HDAC11: variants seen among roughly 807,000 people sequenced by gnomAD.
HDAC11 encodes histone deacetylase 11.
In HDAC11, 23 loss-of-function variants were observed where a neutral mutation model predicts 41.1. The ratio of observed to expected loss-of-function variants is 0.56; its 90% CI spans 0.40 to 0.79. The LOEUF is 0.79. Among genes scored for constraint, HDAC11 ranks in the 30% least tolerant of loss-of-function variants. The pLI is 0.00. For missense variants in HDAC11, 402 were observed against 477.3 expected (o/e 0.84, Z 1.47); for synonymous variants, 187 against 186.6 (o/e 1.00, Z -0.02).
At chr3:13,486,920 G>A (rs1029492491) in intron 3 of HDAC11, among the ~76,000 whole-genome samples, 5 of 152,250 alleles carry the variant, frequency 3.3e-5, no homozygotes, top group Admixed American at 6.5e-5. Flanking sequence ...AGAATCCCAG[G>A]CCTGGAGGGT....
chr3:13,491,790 G>T (rs879441555), intron 3 of HDAC11, among the ~76,000 whole-genome samples: 1 of 152,254 alleles, frequency 6.6e-6, no homozygotes, highest in Non-Finnish European at 1.5e-5. Context: ...GGGTGGTGGC[G>T]TCAGTCTGGG....
rs555819990 is a variant in HDAC11 at position 13,490,528 on chromosome 3, T to A, written c.253-6208T>A. 4.6e-5 allele frequency among the ~76,000 whole-genome samples: 7 copies of A among 152,290 alleles called. No homozygotes were observed. The East Asian group carries it at 1.3e-3, about 29-fold the overall frequency. ...TTTAATTTCTTTCAGCAATGTTTTG[T>A]AGCTTTCAATGGACAAATCTTGCAC... On this transcript the variant is annotated intron_variant, in intron 3 of 9. Transcript: ENST00000295757.
At position 13,504,248 on chromosome 3, in the gene HDAC11, T is replaced by C. The variant is rs1702507502; in HGVS notation, c.804T>C (p.Leu268=). ...AGTDILEGDR[L]GGLSISPAGI... ...CCGACATCCTCGAGGGGGACCGCCT[T>C]GGGGGGCTGTCCATCAGCCCAGCGG... The change falls in exon 9 of 10, where the codon CTT becomes CTC. Residue 268 remains leucine (L), a synonymous_variant. Transcript: ENST00000295757. 3 of 1,613,168 alleles carry C rather than the reference T, an allele frequency of 1.9e-6. No individual in the cohort carries two copies. Among genetic ancestry groups the C allele is most frequent in the Non-Finnish European group, 2.5e-6 (3 of 1,179,966 alleles).
chr3:13,504,747 A>C lies in HDAC11; in HGVS notation c.*64A>C. 1 of 1,424,824 alleles carries C rather than the reference A, an allele frequency of 7.0e-7. No individual in the cohort carries two copies. Among genetic ancestry groups the C allele is most frequent in the Admixed American group, 1.7e-5 (1 of 57,678 alleles). The allele number at this position is 1,424,824 out of a possible 1,614,324, so 88.3% of individuals were successfully genotyped here. A position where few individuals can be genotyped will look rare whatever the true frequency, so the allele number is the denominator to read the frequency against. Reference sequence around the variant, plus strand: ...GCCCCTTAGTGCTTTTTGTTTTCTAACCTCATGGGGTGGTGGAGGCAGCCT... The same window carrying C: ...GCCCCTTAGTGCTTTTTGTTTTCTACCCTCATGGGGTGGTGGAGGCAGCCT... On this transcript the variant is annotated 3_prime_UTR_variant, in exon 10 of 10. Transcript: ENST00000295757.
chr3:13,480,463 G>T lies in HDAC11; in HGVS notation c.2+114G>T. ...GCGCGCCAGGTAAGGGCCCAGATTT[G>T]CTGGTGAGGGGTGAGGGACGCTCGG... On this transcript the variant is annotated intron_variant, in intron 1 of 9. Transcript: ENST00000295757. This position sits in a 1 kb window ranked among gnomAD's most constrained non-coding sequence, Gnocchi z 4.6. 1.7e-6 allele frequency: 1 copy of T among 587,290 alleles called. No individual in the cohort carries two copies. The highest frequency in any genetic ancestry group is 2.4e-6 in the Non-Finnish European group (1 of 415,938). 36.4% of individuals were successfully genotyped at this position (587,290 alleles called of 1,614,324 possible).
chr3:13,503,925 C>G (rs1702487375), intron 8 of HDAC11, among the ~76,000 whole-genome samples, 169 bp from the exon 9 acceptor site: 1 of 152,198 alleles, frequency 6.6e-6, no homozygotes, highest in African/African-American at 2.4e-5. Flanking sequence ...CTTTGAGTCC[C>G]CCTTTTTGCA....
At chr3:13,487,242 C>T (rs941330379) in intron 3 of HDAC11, among the ~76,000 whole-genome samples, 1 of 152,192 alleles carries the variant, frequency 6.6e-6, no homozygotes, top group Admixed American at 6.5e-5. Flanking sequence ...CAGATGTCTG[C>T]AATGTTTCTT....
rs904978275 is a variant in HDAC11, at chr3:13,491,084, G to C, written c.253-5652G>C. ...CTTTAATAGTTGTGTGTGTGTGTGT[G>C]TGTGTGTGTGTGTGTGTGTGTGTGT... On this transcript the variant is annotated intron_variant, in intron 3 of 9. Transcript: ENST00000295757. Among the ~76,000 whole-genome samples the C allele has an allele frequency of 8.0e-5, 12 of 149,506 alleles. No individual in the cohort carries two copies. The South Asian group carries it at 2.5e-3, about 32-fold the overall frequency.
In HDAC11 at chr3:13,502,115, T is replaced by C; in HGVS notation, c.552+182T>C. ...CTCTGTCCAGGACAGCGGGTCCTCC[T>C]CATTGCTCCCGAGGGTCCTCCCTCC... is the stretch of plus-strand genomic sequence containing the variant. On this transcript the variant is annotated intron_variant, in intron 7 of 9. Transcript: ENST00000295757. This position sits in a 1 kb window ranked among gnomAD's most constrained non-coding sequence, Gnocchi z 4.1. 1.7e-6 allele frequency: 1 copy of C among 588,346 alleles called. No individual in the cohort carries two copies. The highest frequency in any genetic ancestry group is 2.2e-5 in the South Asian group (1 of 45,440). The allele number at this position is 588,346 out of a possible 1,614,324, so 36.4% of individuals were successfully genotyped here.
rs1701461367 is a variant in HDAC11, at chr3:13,484,302, A to G, written c.252+738A>G. On this transcript the variant is annotated intron_variant, in intron 3 of 9. Coordinates refer to ENST00000295757, the MANE Select transcript of HDAC11 (RefSeq NM_024827.4). The stretch of plus-strand genomic sequence containing the variant: ...GGGCTGAAGTTTAAGACTCTGGTCT[A>G]AGTACTTCTGCTGAAGTTTTGTTGA... Among the ~76,000 whole-genome samples the G allele has an allele frequency of 2.0e-5, 3 of 152,222 alleles. No individual in the cohort carries two copies. In the South Asian group the frequency reaches 6.2e-4, roughly 31 times the overall value.
At chr3:13,498,619 G>C in intron 5 of HDAC11, 64 bp downstream of exon 5, 1 of 1,506,710 alleles carries the variant, frequency 6.6e-7, no homozygotes, top group Non-Finnish European at 9.2e-7. Flanking sequence ...CTGAAAGGGG[G>C]CTGGGGGAGG....
chr3:13,482,587 A>G (rs991164666), intron 2 of HDAC11, among the ~76,000 whole-genome samples: 10 of 152,232 alleles, frequency 6.6e-5, no homozygotes, highest in African/African-American at 2.4e-4. Context: ...GTTTGAGACC[A>G]GCTTGGGCAA....
At chr3:13,497,912 G>A (rs1180981870) in intron 4 of HDAC11, among the ~76,000 whole-genome samples, 4 of 135,862 alleles carry the variant, frequency 2.9e-5, no homozygotes, top group African/African-American at 1.1e-4. Flanking sequence ...CTGGAGTGCA[G>A]GGGTGTGACC....
intron 9 of HDAC11, 93 bp downstream of exon 9, chr3:13,504,365 G>A: frequency 2.5e-6 from 4 of 1,585,174 alleles, no homozygotes; most frequent in Non-Finnish European, 3.4e-6. Flanking sequence ...GGAGGAGATG[G>A]ACTGAAGCAA....
intron 3 of HDAC11, among the ~76,000 whole-genome samples, chr3:13,487,366 CT>C (rs1388158083): frequency 6.6e-6 from 1 of 152,222 alleles, no homozygotes; most frequent in East Asian, 1.9e-4. Context: ...ACCGTCTCCC[CT>C]GCCTCATCCC....
At chr3:13,486,571 GTTTTTTTTTT>G (rs767002835) in intron 3 of HDAC11, among the ~76,000 whole-genome samples, 9 of 83,060 alleles carry the variant, frequency 1.1e-4, no homozygotes, top group African/African-American at 3.3e-4. Context: ...ATGTAGAGGT[GTTTTTTTTTT>G]TTTTTTTTTT....
intron 4 of HDAC11, among the ~76,000 whole-genome samples, chr3:13,497,185 CTTTT>C (rs796174587): frequency 6.9e-6 from 1 of 145,818 alleles, no homozygotes; most frequent in African/African-American, 2.5e-5. Context: ...TTCTTTCTTT[CTTTT>C]TTTTTTTTGA....
At chr3:13,494,566 A>G (rs964162132) in intron 3 of HDAC11, among the ~76,000 whole-genome samples, 1 of 151,730 alleles carries the variant, frequency 6.6e-6, no homozygotes, top group South Asian at 2.1e-4. Flanking sequence ...TTACACTCCC[A>G]CCCCTTCCCA....
At chr3:13,501,538 A>T (rs541585981) in intron 6 of HDAC11, 2 of 525,564 alleles carry the variant, frequency 3.8e-6, no homozygotes, top group South Asian at 1.7e-5. Context: ...GGCTGTGGGG[A>T]TTCTCTCCTT....
Sources: allele counts gnomAD v4.1 joint callset (sites outside exome capture counted in the v4.1 genomes callset), GRCh38; gene constraint gnomAD v4.1.1; non-coding constraint Gnocchi (gnomAD v3.1); transcripts MANE v1.5; gene names NCBI Gene and HGNC (gene_info 2026-07-23, HGNC 2026-07-21).